CNTN5: variants seen among roughly 807,000 people sequenced by gnomAD.
CNTN5 encodes contactin-5.
A neutral mutation model predicts 129.1 loss-of-function variants in CNTN5; 77 were observed. That is an observed-to-expected ratio of 0.60 (90% CI 0.50 to 0.72). The LOEUF is 0.72. Among genes scored for constraint, CNTN5 ranks in the 30% least tolerant of loss-of-function variants. The pLI, the probability that CNTN5 is intolerant of heterozygous loss-of-function variation, is 0.00. For synonymous variants in CNTN5, 509 were observed against 465.6 expected (o/e 1.09, Z -1.20); for missense variants, 1,478 against 1,328.8 (o/e 1.11, Z -1.75).
chr11:100,344,385 C>A (rs953253414), intron 23 of CNTN5, among the ~76,000 whole-genome samples: 13 of 152,074 alleles, frequency 8.5e-5, no homozygotes, highest in Admixed American at 3.3e-4. Flanking sequence ...ATAAATGATT[C>A]TTTTGTATAG....
intron 3 of CNTN5, among the ~76,000 whole-genome samples, chr11:99,626,842 A>T (rs189663360): frequency 6.6e-6 from 1 of 152,164 alleles, no homozygotes. Flanking sequence ...CTTGATCATT[A>T]TACATTCTAT....
At chr11:100,010,158 T>C (rs957085792) in intron 9 of CNTN5, among the ~76,000 whole-genome samples, 1 of 152,140 alleles carries the variant, frequency 6.6e-6, no homozygotes, top group Non-Finnish European at 1.5e-5. Context: ...AGTGGTTCTT[T>C]CTAAATGCAG....
intron 1 of CNTN5, among the ~76,000 whole-genome samples, chr11:99,082,434 C>T (rs145357159): frequency 0.039 from 5,917 of 152,188 alleles, 135 homozygotes; most frequent in Middle Eastern, 0.068. Flanking sequence ...CCGCCCGCCT[C>T]GGCCCTCCAA....
chr11:99,996,901 C>T (rs1939487137), intron 8 of CNTN5, among the ~76,000 whole-genome samples: 1 of 152,120 alleles, frequency 6.6e-6, no homozygotes, highest in African/African-American at 2.4e-5. Flanking sequence ...CCCCATGATT[C>T]AGTCATCTTC....
At chr11:99,872,161 C>T (rs1266652641) in intron 6 of CNTN5, among the ~76,000 whole-genome samples, 2 of 151,888 alleles carry the variant, frequency 1.3e-5, no homozygotes, top group African/African-American at 4.8e-5. Flanking sequence ...TTGTTGTATC[C>T]AAAGTGTCCA....
At chr11:99,438,552 C>T (rs533255133) in intron 2 of CNTN5, among the ~76,000 whole-genome samples, 1 of 152,158 alleles carries the variant, frequency 6.6e-6, no homozygotes, top group South Asian at 2.1e-4. Context: ...ATCTCTCTCT[C>T]TCTCATACAC....
chr11:100,062,277 G>T (rs1943516253), intron 10 of CNTN5, among the ~76,000 whole-genome samples: 1 of 152,160 alleles, frequency 6.6e-6, no homozygotes, highest in Admixed American at 6.6e-5. Context: ...AGGAAACCAT[G>T]ACTGTCCCTG....
At chr11:99,245,104 A>G (rs1435116922) in intron 1 of CNTN5, among the ~76,000 whole-genome samples, 1 of 151,928 alleles carries the variant, frequency 6.6e-6, no homozygotes, top group Non-Finnish European at 1.5e-5. Flanking sequence ...TATTCATATC[A>G]CTGTCAAACT....
intron 8 of CNTN5, among the ~76,000 whole-genome samples, chr11:99,964,327 G>A (rs554178593): frequency 5.3e-5 from 8 of 152,192 alleles, no homozygotes; most frequent in East Asian, 3.9e-4. Context: ...TTTGAGATAC[G>A]TCCCATCAAT....
chr11:99,559,638 GT>G (rs34382765), intron 3 of CNTN5, among the ~76,000 whole-genome samples: 1 of 152,158 alleles, frequency 6.6e-6, no homozygotes, highest in Non-Finnish European at 1.5e-5. Context: ...TTGGAAGGCA[GT>G]TTTGCAGTTT....
intron 6 of CNTN5, among the ~76,000 whole-genome samples, chr11:99,867,240 C>G (rs1948380824): frequency 6.6e-6 from 1 of 152,074 alleles, no homozygotes; most frequent in African/African-American, 2.4e-5. Flanking sequence ...TTCTTCTTTT[C>G]ACATAGGAAA....
chr11:99,361,752 G>A (rs560495739), intron 2 of CNTN5, among the ~76,000 whole-genome samples: 33 of 151,544 alleles, frequency 2.2e-4, no homozygotes, highest in Admixed American at 1.7e-3. Context: ...CTTTTCTTTT[G>A]TGACTGCTTA....
chr11:99,876,821 T>G (rs1948644475), intron 6 of CNTN5, among the ~76,000 whole-genome samples: 1 of 152,210 alleles, frequency 6.6e-6, no homozygotes. Context: ...ACACTGAATT[T>G]AGGTGAGAGA....
At chr11:99,496,639 T>A (rs544128307) in intron 2 of CNTN5, among the ~76,000 whole-genome samples, 59 of 152,288 alleles carry the variant, frequency 3.9e-4, no homozygotes, top group African/African-American at 1.3e-3. Context: ...GGAAACAAAA[T>A]GCAGGCATTA....
At chr11:100,209,254 G>A (rs1360815016) in intron 15 of CNTN5, among the ~76,000 whole-genome samples, 2 of 152,174 alleles carry the variant, frequency 1.3e-5, no homozygotes, top group Admixed American at 6.5e-5. Context: ...GTGGTGTGAT[G>A]TGGAGGAGAG....
chr11:99,209,594 A>G (rs1677808862), intron 1 of CNTN5, among the ~76,000 whole-genome samples: 1 of 152,158 alleles, frequency 6.6e-6, no homozygotes, highest in Admixed American at 6.6e-5. Context: ...AACAATGGGG[A>G]TTACATTGCA....
intron 1 of CNTN5, among the ~76,000 whole-genome samples, chr11:99,029,687 A>C (rs1011114814): frequency 6.6e-6 from 1 of 152,138 alleles, no homozygotes; most frequent in Non-Finnish European, 1.5e-5. Flanking sequence ...TAAAAATTAT[A>C]AAATGAGGAA....
intron 9 of CNTN5, among the ~76,000 whole-genome samples, chr11:100,006,460 TC>T (rs1264811195): frequency 6.6e-6 from 1 of 152,142 alleles, no homozygotes; most frequent in African/African-American, 2.4e-5. Flanking sequence ...ATGGTCCAGA[TC>T]CTTTGTTGTC....
chr11:99,662,929 GT>G (rs1406128625), intron 3 of CNTN5, among the ~76,000 whole-genome samples: 1 of 152,128 alleles, frequency 6.6e-6, no homozygotes, highest in Non-Finnish European at 1.5e-5. Flanking sequence ...TAGAAATGTT[GT>G]TTCCTGATTT....
Sources: gnomAD v4.1 joint callset for allele counts (sites outside exome capture counted in the v4.1 genomes callset) on GRCh38, gnomAD v4.1.1 for gene constraint, MANE v1.5 for transcripts, NCBI Gene and HGNC (gene_info 2026-07-23, HGNC 2026-07-21) for gene names.